The following B3GAT2 variants were observed in gnomAD, a reference collection of about 807,000 sequenced individuals.
The protein encoded by B3GAT2 is galactosylgalactosylxylosylprotein 3-beta-glucuronosyltransferase 2.
B3GAT2 carries 26 observed loss-of-function variants against 27.8 expected under a neutral mutation model. That is an observed-to-expected ratio of 0.93 (90% CI 0.68 to 1.30). The LOEUF is 1.30. Ranked by LOEUF, B3GAT2 falls within the 50% of genes most tolerant of loss-of-function variation. The pLI is 0.00. For missense variants in B3GAT2, 458 were observed against 459.0 expected, an observed-to-expected ratio of 1.00 and a Z score of 0.02; for synonymous variants, 218 against 195.1, an observed-to-expected ratio of 1.12 and a Z score of -0.98.
chr6:70,926,910 T>A (rs1442920333), intron 1 of B3GAT2, among the ~76,000 whole-genome samples: 1 of 151,976 alleles, frequency 6.6e-6, no homozygotes, highest in Non-Finnish European at 1.5e-5. Flanking sequence ...GAAAAAATGG[T>A]AAGGGCAGCC....
At chr6:70,876,930 C>G (rs552824180) in intron 2 of B3GAT2, among the ~76,000 whole-genome samples, 2 of 152,252 alleles carry the variant, frequency 1.3e-5, no homozygotes, top group East Asian at 3.9e-4. Context: ...GCTTTGGAGA[C>G]ACTGAAATCT....
chr6:70,898,342 G>T (rs955651922), intron 1 of B3GAT2, among the ~76,000 whole-genome samples: 2 of 151,840 alleles, frequency 1.3e-5, no homozygotes, highest in Non-Finnish European at 2.9e-5. Flanking sequence ...CCCCATAGGT[G>T]GGACAAAAAC....
chr6:70,902,633 TATATACACACACACAC>T (rs1164833960), intron 1 of B3GAT2, among the ~76,000 whole-genome samples: 1 of 144,138 alleles, frequency 6.9e-6, no homozygotes, highest in African/African-American at 2.7e-5. Context: ...TATATATATA[TATATACACACACACAC>T]ACACACACAC....
At chr6:70,923,536 C>T (rs543058999) in intron 1 of B3GAT2, among the ~76,000 whole-genome samples, 2 of 152,186 alleles carry the variant, frequency 1.3e-5, no homozygotes, top group East Asian at 3.9e-4. Flanking sequence ...AGTAGCCAGG[C>T]ATGGTTGTGT....
chr6:70,954,017 G>C (rs1405431720), intron 1 of B3GAT2, among the ~76,000 whole-genome samples: 2 of 152,104 alleles, frequency 1.3e-5, no homozygotes, highest in African/African-American at 4.8e-5. Context: ...TAGAAGCTCG[G>C]AATAAACTAA....
chr6:70,889,816 T>C (rs1379847901), intron 2 of B3GAT2, among the ~76,000 whole-genome samples: 1 of 150,984 alleles, frequency 6.6e-6, no homozygotes, highest in African/African-American at 2.4e-5. Flanking sequence ...ACAGTCTCCC[T>C]GTGTCTCCCA....
intron 1 of B3GAT2, among the ~76,000 whole-genome samples, chr6:70,936,590 T>C (rs1169613252): frequency 6.6e-6 from 1 of 151,992 alleles, no homozygotes; most frequent in Non-Finnish European, 1.5e-5. Context: ...GAACTCAAGA[T>C]TAAGAAACTC....
At chr6:70,901,003 C>T (rs1772489100) in intron 1 of B3GAT2, among the ~76,000 whole-genome samples, 1 of 151,946 alleles carries the variant, frequency 6.6e-6, no homozygotes, top group Non-Finnish European at 1.5e-5. Context: ...ACTAAGAACA[C>T]AAAGGAAAGG....
Position 70,859,224 on chromosome 6 carries a change from T to A in B3GAT2, c.*2439A>T. 1 of 693,436 alleles carries A rather than the reference T, an allele frequency of 1.4e-6. No homozygotes were observed. The highest frequency in any genetic ancestry group is 2.4e-6 in the Non-Finnish European group (1 of 425,266). The allele number at this position is 693,436 out of a possible 1,614,324, so 43.0% of individuals were successfully genotyped here. A position where few individuals can be genotyped will look rare whatever the true frequency, so the allele number is the denominator to read the frequency against. On this transcript the variant is annotated 3_prime_UTR_variant, in exon 4 of 4. Coordinates refer to ENST00000230053, the MANE Select transcript of B3GAT2 (RefSeq NM_080742.3). ...TACCCGCTGGGAATCTAAAAAATTG[T>A]ATGTGCTAAGTGTCAGTCACATGGT...
At chr6:70,881,256 A>G (rs1396650181) in intron 2 of B3GAT2, among the ~76,000 whole-genome samples, 3 of 152,142 alleles carry the variant, frequency 2.0e-5, no homozygotes, top group Non-Finnish European at 2.9e-5. Context: ...TTGCTCTCCA[A>G]TGACTCTTTC....
intron 1 of B3GAT2, among the ~76,000 whole-genome samples, chr6:70,941,871 A>G (rs901872213): frequency 6.6e-6 from 1 of 152,192 alleles, no homozygotes; most frequent in Admixed American, 6.5e-5. Flanking sequence ...AACAGTAAAC[A>G]AAAGAAAATT....
rs200605766 is a variant in B3GAT2, at chr6:70,902,633, T to TACAC, written c.592-8362_592-8361insGTGT. On this transcript the variant is annotated intron_variant, in intron 1 of 3. Coordinates refer to ENST00000230053, the MANE Select transcript of B3GAT2 (RefSeq NM_080742.3). Reference sequence around the variant, plus strand: ...AGAAAATGGGATATATATATATATATATATACACACACACACACACACACA... The same window carrying TACAC: ...AGAAAATGGGATATATATATATATATACACATATACACACACACACACACACACA... Among the ~76,000 whole-genome samples the TACAC allele has an allele frequency of 7.1e-3, 1,029 of 144,154 alleles. 8 individuals carry two copies. The highest frequency in any genetic ancestry group is 0.025 in the African/African-American group (959 of 37,682). The allele number at this position is 144,154 out of a possible 152,430, so 94.6% of individuals were successfully genotyped here.
chr6:70,871,217 T>TTG (rs1401449025), intron 2 of B3GAT2, among the ~76,000 whole-genome samples: 14 of 65,496 alleles, frequency 2.1e-4, no homozygotes, highest in Admixed American at 8.4e-4. Context: ...TGTTTTTTTT[T>TTG]TTTTGTTTTT....
chr6:70,885,615 A>G (rs1772172100), intron 2 of B3GAT2, among the ~76,000 whole-genome samples: 1 of 152,166 alleles, frequency 6.6e-6, no homozygotes, highest in South Asian at 2.1e-4. Context: ...ATGAGCCCAC[A>G]GCGGAGTTCA....
chr6:70,957,034 TCTCAGAA>T lies in B3GAT2; in HGVS notation c.-612_-606del, dbSNP rs1270797728. The stretch of plus-strand genomic sequence containing the variant: ...TGCTCTCAGTCCCTTGCTCTTGTCT[TCTCAGAA>T]CCTCTCCGGATCCAGCAGCAAGATC... On this transcript the variant is annotated 5_prime_UTR_variant, in exon 1 of 4. Transcript: ENST00000230053. 2.0e-6 allele frequency: 2 copies of T among 987,488 alleles called. No homozygotes were observed. Among genetic ancestry groups the T allele is most frequent in the Non-Finnish European group, 2.4e-6 (2 of 831,696 alleles). 61.2% of individuals were successfully genotyped at this position (987,488 alleles called of 1,614,324 possible). A position where few individuals can be genotyped will look rare whatever the true frequency, so the allele number is the denominator to read the frequency against.
At position 70,858,913 on chromosome 6, in the gene B3GAT2, A is replaced by G. The variant is rs1208514521; in HGVS notation, c.*2750T>C. The G allele has an allele frequency of 6.5e-6, 1 of 154,564 alleles. No individual in the cohort carries two copies. The highest frequency in any genetic ancestry group is 1.4e-5 in the Non-Finnish European group (1 of 69,706). 9.6% of individuals were successfully genotyped at this position (154,564 alleles called of 1,614,324 possible). On this transcript the variant is annotated 3_prime_UTR_variant, in exon 4 of 4. Transcript: ENST00000230053. ...AAAATCCTATTTCTACCTAAGTTAG[A>G]GCTGAGATAGAACATTTCTATTTCA...
intron 1 of B3GAT2, among the ~76,000 whole-genome samples, chr6:70,939,267 G>C (rs1434675280): frequency 9.1e-6 from 1 of 110,182 alleles, no homozygotes; most frequent in Non-Finnish European, 1.8e-5. Flanking sequence ...GAGAGGATGT[G>C]GAGAAATAGG....
At chr6:70,935,328 C>A (rs1483824827) in intron 1 of B3GAT2, among the ~76,000 whole-genome samples, 3 of 151,972 alleles carry the variant, frequency 2.0e-5, no homozygotes, top group African/African-American at 7.2e-5. Context: ...GTGGCATGTG[C>A]CTGTAGTCCC....
chr6:70,956,625 G>A lies in B3GAT2; in HGVS notation c.-196C>T. ...GTGGAGGAGCGGCAGGTTCGCGCAA[G>A]CTAGAGCGACAAGGGGTGCAGGCGG... On this transcript the variant is annotated 5_prime_UTR_variant, in exon 1 of 4. Transcript: ENST00000230053. 2.8e-6 allele frequency: 4 copies of A among 1,427,634 alleles called. No individual in the cohort carries two copies. Among genetic ancestry groups the A allele is most frequent in the Non-Finnish European group, 3.6e-6 (4 of 1,097,382 alleles). 88.4% of individuals were successfully genotyped at this position (1,427,634 alleles called of 1,614,324 possible).
Sources: allele counts gnomAD v4.1 joint callset (sites outside exome capture counted in the v4.1 genomes callset), GRCh38; gene constraint gnomAD v4.1.1; transcripts MANE v1.5; gene names NCBI Gene and HGNC (gene_info 2026-07-23, HGNC 2026-07-21).